The following CCNY variants were observed in gnomAD, a reference collection of about 807,000 sequenced individuals.
CCNY encodes the protein cyclin-Y.
Under a neutral mutation model 42.8 loss-of-function variants are expected in CCNY, and 19 were observed. The ratio of observed to expected loss-of-function variants is 0.44; its 90% CI spans 0.31 to 0.65. CCNY has a LOEUF of 0.65. Among genes scored for constraint, CCNY ranks in the 30% least tolerant of loss-of-function variants. The probability of loss-of-function intolerance (pLI) is 0.07; values close to 1 mark genes in which losing one functional copy is unlikely to be tolerated. For synonymous variants in CCNY, 165 were observed against 162.7 expected (o/e 1.01, Z -0.11); for missense variants, 370 against 437.3 (o/e 0.85, Z 1.37).
At chr10:35,304,399 TC>T (rs1589026127) in intron 3 of CCNY, among the ~76,000 whole-genome samples, 4 of 67,210 alleles carry the variant, frequency 6.0e-5, no homozygotes, top group Admixed American at 1.6e-4. Context: ...AAGCTCCGCC[TC>T]CCGGGTTCAC....
intron 3 of CCNY, among the ~76,000 whole-genome samples, chr10:35,508,840 C>T (rs1840265364): frequency 6.6e-6 from 1 of 152,142 alleles, no homozygotes; most frequent in Admixed American, 6.5e-5. Flanking sequence ...GTGCAACTGT[C>T]ATCACAGTTA....
At chr10:35,259,445 TCA>T in intron 3 of CCNY, among the ~76,000 whole-genome samples, 1 of 150,546 alleles carries the variant, frequency 6.6e-6, no homozygotes. Flanking sequence ...GGCTCAAGCT[TCA>T]CAAAGTGCTG....
At chr10:35,307,809 TATA>T (rs1564364303) in intron 3 of CCNY, among the ~76,000 whole-genome samples, 1 of 74,496 alleles carries the variant, frequency 1.3e-5, no homozygotes, top group African/African-American at 4.2e-5. Flanking sequence ...TGTATATATA[TATA>T]TATATATTTT....
At chr10:35,352,231 T>C (rs1359262094) in intron 1 of CCNY, among the ~76,000 whole-genome samples, 1 of 152,216 alleles carries the variant, frequency 6.6e-6, no homozygotes, top group Non-Finnish European at 1.5e-5. Flanking sequence ...AGAGGTTATG[T>C]AAACACAATG....
intron 8 of CCNY, among the ~76,000 whole-genome samples, chr10:35,557,548 G>C (rs1214139066): frequency 6.6e-6 from 1 of 152,162 alleles, no homozygotes; most frequent in Non-Finnish European, 1.5e-5. Context: ...CTTGAGGTCA[G>C]GAGTTCAAGC....
rs1477137487 is a variant in CCNY at position 35,500,817 on chromosome 10, C to T, written c.230-684C>T. On this transcript the variant is annotated intron_variant, in intron 2 of 9. Transcript: ENST00000374704. Reference sequence around the variant, plus strand: ...GTATCTGGGGACACTGCAGGCTGAGCTGCTCAGCACAGGCCATGCATGCAG... The same window carrying T: ...GTATCTGGGGACACTGCAGGCTGAGTTGCTCAGCACAGGCCATGCATGCAG... Among the ~76,000 whole-genome samples the T allele has an allele frequency of 2.6e-5, 4 of 152,336 alleles. No homozygotes were observed. The East Asian group carries it at 7.7e-4, about 29-fold the overall frequency.
chr10:35,262,257 CAAAAAA>C (rs1184383605), intron 3 of CCNY, among the ~76,000 whole-genome samples: 1 of 25,088 alleles, frequency 4.0e-5, no homozygotes, highest in African/African-American at 1.5e-4. Flanking sequence ...AACTCTGTCT[CAAAAAA>C]AAAAAAAAAA....
Position 35,570,266 on chromosome 10 carries a change from G to A in CCNY, c.*1096G>A, listed in dbSNP as rs1841661526. The A allele has an allele frequency of 6.6e-6, 1 of 152,352 alleles. No individual in the cohort carries two copies. The highest frequency in any genetic ancestry group is 2.1e-4 in the South Asian group (1 of 4,820). 9.4% of individuals were successfully genotyped at this position (152,352 alleles called of 1,614,324 possible). On this transcript the variant is annotated 3_prime_UTR_variant, in exon 10 of 10. Coordinates refer to ENST00000374704, the MANE Select transcript of CCNY (RefSeq NM_145012.6). ...AAGGGTGGGTTGGGTATTCCAGTGG[G>A]AAGATCATTGAAGGGAAAAATGTTA...
At chr10:35,410,027 G>A (rs184509297) in intron 1 of CCNY, among the ~76,000 whole-genome samples, 1 of 152,218 alleles carries the variant, frequency 6.6e-6, no homozygotes, top group Non-Finnish European at 1.5e-5. Context: ...ATAAGCATGA[G>A]CCCCTGCACC....
At chr10:35,471,058 G>T (rs1432382417) in intron 1 of CCNY, among the ~76,000 whole-genome samples, 3 of 152,176 alleles carry the variant, frequency 2.0e-5, no homozygotes, top group African/African-American at 7.2e-5. Flanking sequence ...CTGTACCACA[G>T]TTGGCCTCCC....
chr10:35,356,610 C>T (rs1385655307), intron 1 of CCNY, among the ~76,000 whole-genome samples: 1 of 152,044 alleles, frequency 6.6e-6, no homozygotes, highest in African/African-American at 2.4e-5. Context: ...TCCTTAACCT[C>T]TTCATGTTTT....
intron 1 of CCNY, among the ~76,000 whole-genome samples, chr10:35,482,570 G>T (rs952476078): frequency 7.2e-5 from 11 of 152,138 alleles, no homozygotes. Context: ...TCAAATGCTT[G>T]TGAAGACCTG....
upstream of CCNY, among the ~76,000 whole-genome samples, chr10:35,332,926 G>T (rs1835963471): frequency 6.6e-6 from 1 of 152,112 alleles, no homozygotes; most frequent in South Asian, 2.1e-4. Context: ...ATATTTACCT[G>T]GTTACAGTGA....
At chr10:35,358,770 A>G (rs1002134202) in intron 1 of CCNY, among the ~76,000 whole-genome samples, 7 of 152,176 alleles carry the variant, frequency 4.6e-5, no homozygotes, top group Non-Finnish European at 8.8e-5. Flanking sequence ...TGACACTGAA[A>G]CTCACAGCTG....
intron 1 of CCNY, among the ~76,000 whole-genome samples, chr10:35,337,571 A>T (rs1316395987): frequency 2.6e-5 from 4 of 152,202 alleles, no homozygotes; most frequent in African/African-American, 9.7e-5. Flanking sequence ...ACCTGAATGC[A>T]GCCCGAAGCC....
At chr10:35,275,922 A>G (rs980374477) in intron 3 of CCNY, among the ~76,000 whole-genome samples, 5 of 152,204 alleles carry the variant, frequency 3.3e-5, no homozygotes, top group Admixed American at 1.3e-4. Context: ...TTCAAATCCC[A>G]GGTTTCACTG....
intron 1 of CCNY, among the ~76,000 whole-genome samples, chr10:35,417,431 C>A (rs1838049393): frequency 6.6e-6 from 1 of 152,184 alleles, no homozygotes; most frequent in Non-Finnish European, 1.5e-5. Context: ...ATGTCACCAT[C>A]TGTATAATGG....
At chr10:35,518,348 C>G (rs1305487849) in intron 4 of CCNY, among the ~76,000 whole-genome samples, 1 of 152,268 alleles carries the variant, frequency 6.6e-6, no homozygotes, top group Non-Finnish European at 1.5e-5. Context: ...GGTCTCCTTA[C>G]AGATCTTGAT....
At chr10:35,379,010 A>G (rs990354336) in intron 1 of CCNY, among the ~76,000 whole-genome samples, 3 of 152,132 alleles carry the variant, frequency 2.0e-5, no homozygotes, top group African/African-American at 7.2e-5. Flanking sequence ...TTTTTGGATG[A>G]AGGTTGAAAG....
Sources: gnomAD v4.1 joint callset for allele counts (sites outside exome capture counted in the v4.1 genomes callset) on GRCh38, gnomAD v4.1.1 for gene constraint, MANE v1.5 for transcripts, NCBI Gene and HGNC (gene_info 2026-07-23, HGNC 2026-07-21) for gene names.